ETFB: variants seen among roughly 807,000 people sequenced by gnomAD.
ETFB encodes the protein electron transfer flavoprotein subunit beta, also known as beta-ETF.
A neutral mutation model predicts 25.6 loss-of-function variants in ETFB; 20 were observed. The observed-to-expected ratio is 0.78, with a 90% CI of 0.55 to 1.14. ETFB has a LOEUF of 1.14. ETFB is among the 50% of genes most tolerant of loss of function. The probability of loss-of-function intolerance (pLI) is 0.00; values close to 1 mark genes in which losing one functional copy is unlikely to be tolerated. For synonymous variants in ETFB, 142 were observed against 146.7 expected (o/e 0.97, Z 0.23); for missense variants, 286 against 342.6 (o/e 0.83, Z 1.30).
chr19:51,357,228 CA>C (rs1986102912), intron 1 of ETFB: 1 of 151,648 alleles, frequency 6.6e-6, no homozygotes, highest in East Asian at 1.9e-4. Flanking sequence ...CATGCATCAC[CA>C]CGCCTGGCTA....
At chr19:51,357,516 G>A (rs1599844971) in intron 1 of ETFB, among the ~76,000 whole-genome samples, 2 of 121,614 alleles carry the variant, frequency 1.6e-5, no homozygotes, top group Admixed American at 9.2e-5. Context: ...TTGAGATGGA[G>A]TCTTGCTCTG....
intron 5 of ETFB, 31 bp downstream of exon 5, chr19:51,346,868 AG>A (rs1414304253): frequency 6.5e-7 from 1 of 1,539,722 alleles, no homozygotes; most frequent in Non-Finnish European, 8.7e-7. Flanking sequence ...TGCCACCCCC[AG>A]GCCCTCAGTG....
At position 51,366,370 on chromosome 19, in the gene ETFB, G is replaced by C; in HGVS notation, c.-44C>G. On this transcript the variant is annotated 5_prime_UTR_variant, in exon 1 of 6. Transcript: ENST00000309244. Reference sequence around the variant, plus strand: ...TACAGGGTCAGCCCGCACCCTCAGCGGCTCAGTCCAGAAGCCCCACCACCC... The same window carrying C: ...TACAGGGTCAGCCCGCACCCTCAGCCGCTCAGTCCAGAAGCCCCACCACCC... The C allele has an allele frequency of 6.3e-7, 1 of 1,595,856 alleles. No individual in the cohort carries two copies. Among genetic ancestry groups the C allele is most frequent in the Non-Finnish European group, 8.5e-7 (1 of 1,170,246 alleles).
At chr19:51,345,455 T>C in intron 5 of ETFB, 74 bp from the exon 6 acceptor site, 5 of 1,471,744 alleles carry the variant, frequency 3.4e-6, no homozygotes, top group Non-Finnish European at 4.7e-6. Flanking sequence ...TTCCCATGGG[T>C]GCCAGGCCTG....
intron 4 of ETFB, among the ~76,000 whole-genome samples, chr19:51,349,006 A>G (rs1487729356): frequency 3.3e-5 from 5 of 152,246 alleles, no homozygotes; most frequent in Non-Finnish European, 5.9e-5. Flanking sequence ...TGTGACAGTG[A>G]TAAACATTCA....
intron 1 of ETFB, 117 bp downstream of exon 1, chr19:51,366,153 G>T: frequency 2.9e-6 from 3 of 1,021,190 alleles, no homozygotes; most frequent in East Asian, 2.4e-5. Context: ...TTGACGTTTG[G>T]GGGTTAAAGC....
In ETFB at chr19:51,359,232, A is replaced by G. The variant is rs186687483; in HGVS notation, c.58-4924T>C. On this transcript the variant is annotated intron_variant, in intron 1 of 5. Coordinates refer to ENST00000309244, the MANE Select transcript of ETFB (RefSeq NM_001985.3). ...ATGCCGGGCTAATTTTTTTTTTTTT[A>G]CTTTTTGTAGAGAAAGGATTTCCCC... 4.5e-3 allele frequency among the ~76,000 whole-genome samples: 659 copies of G among 147,516 alleles called. 7 individuals are homozygous for G. The highest frequency in any genetic ancestry group is 0.016 in the African/African-American group (639 of 40,226).
At chr19:51,358,234 AT>A (rs1986129926) in intron 1 of ETFB, among the ~76,000 whole-genome samples, 1 of 151,918 alleles carries the variant, frequency 6.6e-6, no homozygotes. Context: ...TGCTCTTGCT[AT>A]TTCCCTGCCC....
At chr19:51,350,487 T>G in intron 3 of ETFB, 96 bp from the exon 4 acceptor site, 1 of 705,932 alleles carries the variant, frequency 1.4e-6, no homozygotes, top group Non-Finnish European at 2.6e-6. Context: ...ACTTTTTCTT[T>G]CTTTTTTTTC....
chr19:51,365,892 C>T (rs534324408), intron 1 of ETFB, among the ~76,000 whole-genome samples: 2 of 152,308 alleles, frequency 1.3e-5, no homozygotes, highest in African/African-American at 4.8e-5. Context: ...TGGGTGAAAG[C>T]AGTCAGAGGA....
intron 5 of ETFB, chr19:51,345,804 A>C: frequency 3.1e-6 from 1 of 317,518 alleles, no homozygotes; most frequent in South Asian, 2.6e-5. Context: ...TGATGCGCTG[A>C]ACCCTCCCTA....
chr19:51,345,470 C>G, intron 5 of ETFB, 89 bp from the exon 6 acceptor site: 2 of 1,336,266 alleles, frequency 1.5e-6, no homozygotes, highest in Admixed American at 3.7e-5. Context: ...GGCCTGCAGA[C>G]CAGTCCCATG....
chr19:51,362,452 C>T (rs575665537), intron 1 of ETFB, among the ~76,000 whole-genome samples: 3 of 152,196 alleles, frequency 2.0e-5, no homozygotes, highest in African/African-American at 4.8e-5. Context: ...GTGGCTCACA[C>T]GTGTAATCCC....
chr19:51,356,278 G>A (rs563519688), intron 1 of ETFB: 1 of 152,024 alleles, frequency 6.6e-6, no homozygotes, highest in Admixed American at 6.6e-5. Context: ...TGTGAAACGA[G>A]CTCGGATAAC....
In ETFB at chr19:51,345,174, G is replaced by A. The variant is rs1985736681; in HGVS notation, c.*37C>T. 3.1e-6 allele frequency: 5 copies of A among 1,603,764 alleles called. No individual in the cohort carries two copies. Among genetic ancestry groups the A allele is most frequent in the Non-Finnish European group, 3.4e-6 (4 of 1,170,724 alleles). ...AGGAAATAAGTTAACAGAGATAGAT[G>A]TTGAGAGTCAGTTTTATTGCCATCT... On this transcript the variant is annotated 3_prime_UTR_variant, in exon 6 of 6. Coordinates refer to ENST00000309244, the MANE Select transcript of ETFB (RefSeq NM_001985.3).
chr19:51,360,456 GC>G (rs2123606534), intron 1 of ETFB, among the ~76,000 whole-genome samples: 1 of 151,938 alleles, frequency 6.6e-6, no homozygotes, highest in East Asian at 1.9e-4. Context: ...ACTGACCCAT[GC>G]AGACAACGAG....
chr19:51,360,105 C>A (rs901291915), intron 1 of ETFB, among the ~76,000 whole-genome samples: 3 of 151,864 alleles, frequency 2.0e-5, no homozygotes, highest in Admixed American at 2.0e-4. Flanking sequence ...CCACCAATAT[C>A]AAAAACAGCC....
Position 51,345,607 on chromosome 19 carries a change from T to A in ETFB, c.598-226A>T, listed in dbSNP as rs1365766557. On this transcript the variant is annotated intron_variant, in intron 5 of 5. Coordinates refer to ENST00000309244, the MANE Select transcript of ETFB (RefSeq NM_001985.3). ...GCCCAACTACTGCAGCAGTCCTCCT[T>A]TAGGTAACCAAATCAGGAAGCCCTT... 10 of 584,286 alleles carry A rather than the reference T, an allele frequency of 1.7e-5. No individual in the cohort carries two copies. The Admixed American group carries it at 2.9e-4, about 17-fold the overall frequency. 36.2% of individuals were successfully genotyped at this position (584,286 alleles called of 1,614,324 possible).
At chr19:51,366,174 G>A (rs1198668436) in intron 1 of ETFB, 96 bp downstream of exon 1, 34 of 1,231,224 alleles carry the variant, frequency 2.8e-5, no homozygotes, top group Non-Finnish European at 3.7e-5. Context: ...GGCAGAGGTC[G>A]GGGGTTACGA....
Sources: gnomAD v4.1 joint callset for allele counts (sites outside exome capture counted in the v4.1 genomes callset) on GRCh38, gnomAD v4.1.1 for gene constraint, MANE v1.5 for transcripts, NCBI Gene and HGNC (gene_info 2026-07-23, HGNC 2026-07-21) for gene names.